The following DCC variants were observed in gnomAD, a reference collection of about 807,000 sequenced individuals.
DCC encodes the protein netrin receptor DCC.
A neutral mutation model predicts 172.5 loss-of-function variants in DCC; 58 were observed. The ratio of observed to expected loss-of-function variants is 0.34; its 90% CI spans 0.27 to 0.42. The LOEUF (loss-of-function observed/expected upper bound fraction) is 0.42, where lower values mean the gene tolerates loss of function less well. DCC is among the 10% of genes least tolerant of loss of function. DCC has a pLI of 1.00. For missense variants in DCC, 1,740 were observed against 1,791.0 expected, an observed-to-expected ratio of 0.97 and a Z score of 0.51; for synonymous variants, 709 against 644.5, an observed-to-expected ratio of 1.10 and a Z score of -1.52.
intron 1 of DCC, among the ~76,000 whole-genome samples, chr18:52,538,143 G>T (rs534646150): frequency 1.5e-4 from 23 of 152,084 alleles, no homozygotes; most frequent in Non-Finnish European, 1.9e-4. Flanking sequence ...CTCTACACCT[G>T]TATCCCAATC....
intron 1 of DCC, among the ~76,000 whole-genome samples, chr18:52,366,371 G>A (rs528935589): frequency 3.3e-5 from 5 of 152,264 alleles, no homozygotes; most frequent in South Asian, 2.1e-4. Flanking sequence ...ACCCGAGCGG[G>A]TTGCCAATGC....
chr18:52,878,709 T>C (rs2039437848), intron 2 of DCC, among the ~76,000 whole-genome samples: 1 of 152,194 alleles, frequency 6.6e-6, no homozygotes, highest in Admixed American at 6.5e-5. Context: ...TAATTTTTAC[T>C]AGGACGGGTC....
At chr18:52,445,696 C>A in intron 1 of DCC, among the ~76,000 whole-genome samples, 1 of 152,224 alleles carries the variant, frequency 6.6e-6, no homozygotes, top group Non-Finnish European at 1.5e-5. Context: ...ACAAAAGAGA[C>A]CCAGACAAAC....
intron 1 of DCC, among the ~76,000 whole-genome samples, chr18:52,422,224 A>C (rs944614552): frequency 3.9e-5 from 6 of 152,216 alleles, no homozygotes; most frequent in Admixed American, 3.9e-4. Flanking sequence ...TCATCTGCTT[A>C]AGGCCTGCTA....
At chr18:52,909,273 C>T (rs1386849857) in intron 3 of DCC, among the ~76,000 whole-genome samples, 1 of 152,028 alleles carries the variant, frequency 6.6e-6, no homozygotes, top group African/African-American at 2.4e-5. Context: ...TACATACATG[C>T]ACATATACAA....
chr18:53,091,626 G>A (rs897182679), intron 7 of DCC, among the ~76,000 whole-genome samples: 1 of 151,428 alleles, frequency 6.6e-6, no homozygotes, highest in Non-Finnish European at 1.5e-5. Context: ...CAAAGAGAGA[G>A]AGATAATTCC....
At chr18:52,911,482 G>C (rs1048226144) in intron 3 of DCC, among the ~76,000 whole-genome samples, 2 of 152,014 alleles carry the variant, frequency 1.3e-5, no homozygotes, top group Non-Finnish European at 2.9e-5. Context: ...ATTACCAGGT[G>C]GTGAAACCAA....
chr18:53,328,980 G>A (rs1449693292), intron 14 of DCC, among the ~76,000 whole-genome samples: 2 of 152,112 alleles, frequency 1.3e-5, no homozygotes, highest in African/African-American at 2.4e-5. Flanking sequence ...GGGAACAGAT[G>A]TATCCATTTC....
intron 1 of DCC, among the ~76,000 whole-genome samples, chr18:52,465,282 G>A (rs1424573378): frequency 2.0e-5 from 3 of 152,142 alleles, no homozygotes; most frequent in African/African-American, 7.2e-5. Context: ...AAAAGTTGGC[G>A]ATGAGGTGGA....
intron 1 of DCC, among the ~76,000 whole-genome samples, chr18:52,724,312 A>T (rs998160401): frequency 6.6e-6 from 1 of 151,800 alleles, no homozygotes; most frequent in African/African-American, 2.4e-5. Context: ...ACATCCTGTT[A>T]TTTTATTATT....
In DCC at chr18:53,458,266, A is replaced by G. The variant is rs574143509; in HGVS notation, c.3393-966A>G. Among the ~76,000 whole-genome samples the G allele has an allele frequency of 7.2e-5, 11 of 152,322 alleles. No individual in the cohort carries two copies. The East Asian group carries it at 2.1e-3, about 29-fold the overall frequency. On this transcript the variant is annotated intron_variant, in intron 23 of 28. Coordinates refer to ENST00000442544, the MANE Select transcript of DCC (RefSeq NM_005215.4). ...AAAACTAGGGAAAGGGTCAAAAATG[A>G]TTTCTGAAAAGGACCAAATAATACA... is the stretch of plus-strand genomic sequence containing the variant.
chr18:52,485,121 C>G (rs969891130), intron 1 of DCC, among the ~76,000 whole-genome samples: 1 of 152,106 alleles, frequency 6.6e-6, no homozygotes, highest in African/African-American at 2.4e-5. Flanking sequence ...CTAACAATCT[C>G]TTTCATAACA....
chr18:52,343,503 T>C (rs931884011), intron 1 of DCC, among the ~76,000 whole-genome samples: 2 of 152,164 alleles, frequency 1.3e-5, no homozygotes, highest in African/African-American at 2.4e-5. Flanking sequence ...CCCTGAAAAG[T>C]GTCAGTAGAG....
intron 1 of DCC, among the ~76,000 whole-genome samples, chr18:52,733,264 T>A (rs948666957): frequency 6.6e-6 from 1 of 152,180 alleles, no homozygotes; most frequent in African/African-American, 2.4e-5. Flanking sequence ...AGTGTCTAAG[T>A]GTCTGCAGTC....
intron 1 of DCC, among the ~76,000 whole-genome samples, chr18:52,415,689 T>TGGC (rs199507620): frequency 0.05 from 7,591 of 152,116 alleles, 210 homozygotes; most frequent in South Asian, 0.12. Context: ...AGAAGTGAAC[T>TGGC]GGCAGTGGGG....
At chr18:52,972,610 A>G (rs2041047860) in intron 5 of DCC, among the ~76,000 whole-genome samples, 1 of 151,720 alleles carries the variant, frequency 6.6e-6, no homozygotes, top group South Asian at 2.1e-4. Flanking sequence ...ATATATTTAC[A>G]TATATGAATA....
chr18:52,508,286 A>C (rs2031308781), intron 1 of DCC, among the ~76,000 whole-genome samples: 1 of 152,122 alleles, frequency 6.6e-6, no homozygotes, highest in South Asian at 2.1e-4. Flanking sequence ...GTAGTTATAG[A>C]TGTATTGGGT....
At chr18:52,351,297 C>G (rs1006437963) in intron 1 of DCC, among the ~76,000 whole-genome samples, 1 of 152,200 alleles carries the variant, frequency 6.6e-6, no homozygotes, top group African/African-American at 2.4e-5. Context: ...GGGATTCTCT[C>G]TCTCCAGTAG....
intron 5 of DCC, among the ~76,000 whole-genome samples, chr18:53,060,720 G>T (rs1418789957): frequency 2.6e-5 from 4 of 152,076 alleles, no homozygotes; most frequent in Non-Finnish European, 5.9e-5. Context: ...TACGTGATCA[G>T]CTTTGCTTTA....
Sources: allele counts gnomAD v4.1 joint callset (sites outside exome capture counted in the v4.1 genomes callset), GRCh38; gene constraint gnomAD v4.1.1; transcripts MANE v1.5; gene names NCBI Gene and HGNC (gene_info 2026-07-23, HGNC 2026-07-21).